The following ORC1 variants were observed in gnomAD, a reference collection of about 807,000 sequenced individuals.
ORC1 encodes origin recognition complex subunit 1.
Under a neutral mutation model 98.9 loss-of-function variants are expected in ORC1, and 61 were observed. That is an observed-to-expected ratio of 0.62 (90% CI 0.50 to 0.76). The LOEUF (loss-of-function observed/expected upper bound fraction) is 0.76, where lower values mean the gene tolerates loss of function less well. ORC1 is among the 30% of genes least tolerant of loss of function. The probability of loss-of-function intolerance (pLI) is 0.00; values close to 1 mark genes in which losing one functional copy is unlikely to be tolerated. For synonymous variants in ORC1, 385 were observed against 406.9 expected (o/e 0.95, Z 0.65); for missense variants, 979 against 1,072.2 (o/e 0.91, Z 1.21).
intron 13 of ORC1, among the ~76,000 whole-genome samples, chr1:52,382,767 A>T (rs1046109153): frequency 5.9e-5 from 9 of 151,760 alleles, no homozygotes; most frequent in African/African-American, 2.2e-4. Context: ...TTTAGTAGAG[A>T]TGGGGTTTCT....
chr1:52,383,307 C>T, intron 13 of ORC1, 113 bp downstream of exon 13: 15 of 1,317,534 alleles, frequency 1.1e-5, no homozygotes, highest in Admixed American at 1.7e-5. Flanking sequence ...CCTTGGCCTC[C>T]CAAAGTGCGG....
At chr1:52,403,404 A>C (rs989634161) in intron 1 of ORC1, among the ~76,000 whole-genome samples, 2 of 152,226 alleles carry the variant, frequency 1.3e-5, no homozygotes, top group Admixed American at 1.3e-4. Context: ...TTTGCATTCA[A>C]TTTCGGCAGA....
Position 52,404,242 on chromosome 1 carries a change from T to C in ORC1, c.-6+4A>G. The C allele has an allele frequency of 6.3e-6, 1 of 157,568 alleles. No individual in the cohort carries two copies. The highest frequency in any genetic ancestry group is 1.9e-4 in the East Asian group (1 of 5,252). 9.8% of individuals were successfully genotyped at this position (157,568 alleles called of 1,614,324 possible). A position where few individuals can be genotyped will look rare whatever the true frequency, so the allele number is the denominator to read the frequency against. ...CCTCGCAGCCCGCTGGACGCCACAC[T>C]CACCCGGCTCCAAAGCTTCCTCCGG... On this transcript the variant is annotated splice_donor_region_variant and intron_variant, in intron 1 of 16. Transcript: ENST00000371568.
chr1:52,385,343 A>G, intron 9 of ORC1, 81 bp from the exon 10 acceptor site: 2 of 942,958 alleles, frequency 2.1e-6, no homozygotes, highest in East Asian at 2.4e-5. Flanking sequence ...ATGGAAAATG[A>G]TTATGGTTTC....
chr1:52,397,355 C>T (rs1424879718), intron 4 of ORC1, among the ~76,000 whole-genome samples: 1 of 152,198 alleles, frequency 6.6e-6, no homozygotes, highest in Non-Finnish European at 1.5e-5. Context: ...GTGCAGTCCT[C>T]GTTTAAGCCA....
intron 5 of ORC1, among the ~76,000 whole-genome samples, chr1:52,394,960 T>C (rs1647328482): frequency 1.3e-5 from 2 of 152,220 alleles, no homozygotes. Flanking sequence ...AGCCCCTTAA[T>C]TTCTGAAGGT....
At chr1:52,373,739 T>C in intron 16 of ORC1, among the ~76,000 whole-genome samples, 1 of 152,174 alleles carries the variant, frequency 6.6e-6, no homozygotes, top group Admixed American at 6.5e-5. Flanking sequence ...TAGTCTTGTC[T>C]CCAGGGGCTG....
At chr1:52,400,347 C>T (rs550140543) in intron 3 of ORC1, among the ~76,000 whole-genome samples, 1 of 152,312 alleles carries the variant, frequency 6.6e-6, no homozygotes, top group African/African-American at 2.4e-5. Context: ...GGTGGGACAG[C>T]GTGAGATTTC....
At chr1:52,385,341 T>C (rs1233621008) in intron 9 of ORC1, 79 bp from the exon 10 acceptor site, 6 of 943,890 alleles carry the variant, frequency 6.4e-6, no homozygotes, top group African/African-American at 4.8e-5. Flanking sequence ...CAATGGAAAA[T>C]GATTATGGTT....
intron 9 of ORC1, 117 bp downstream of exon 9, chr1:52,385,735 T>C (rs557927228): frequency 1.9e-5 from 14 of 755,604 alleles, no homozygotes; most frequent in South Asian, 1.0e-4. Context: ...GGTAAAAGTA[T>C]AGACACACAG....
Position 52,374,794 on chromosome 1 carries a change from A to G in ORC1, c.2391+16T>C. The G allele has an allele frequency of 6.4e-7, 1 of 1,573,568 alleles. No individual in the cohort carries two copies. The highest frequency in any genetic ancestry group is 8.7e-7 in the Non-Finnish European group (1 of 1,143,052). On this transcript the variant is annotated intron_variant, in intron 16 of 16. Coordinates refer to ENST00000371568, the MANE Select transcript of ORC1 (RefSeq NM_004153.4). ...AGTCCAAAATCTAGAAGGATTTGAA[A>G]AGAGGAGGAGATCACCTGTTGAAAC...
At chr1:52,373,679 T>C in intron 16 of ORC1, among the ~76,000 whole-genome samples, 1 of 152,196 alleles carries the variant, frequency 6.6e-6, no homozygotes, top group Admixed American at 6.5e-5. Context: ...GTACATCCCT[T>C]GTGAGTTAAT....
chr1:52,389,439 A>C (rs1297284452), intron 6 of ORC1, 118 bp from the exon 7 acceptor site: 1 of 729,190 alleles, frequency 1.4e-6, no homozygotes, highest in Non-Finnish European at 2.4e-6. Flanking sequence ...TATACTTTGA[A>C]AAGAGTAAAA....
In ORC1 at chr1:52,384,621, G is replaced by C. The variant is rs1360534033; in HGVS notation, c.1684C>G (p.Pro562Ala). The change falls in exon 11 of 17, where the codon CCC becomes GCC. Residue 562 changes from proline (P) to alanine (A), a missense_variant. By Grantham distance (27) the Pro-to-Ala change is conservative. Coordinates refer to ENST00000371568, the MANE Select transcript of ORC1 (RefSeq NM_004153.4). The stretch of plus-strand genomic sequence containing the variant: ...CCATTGACCTCAATGTATTGAAAGG[G>C]AGGAACATCATTGGCTTGGGCTGCC... ...QQAAQANDVP[P>A]FQYIEVNGMK... 1 of 1,613,936 alleles carries C rather than the reference G, an allele frequency of 6.2e-7. No individual in the cohort carries two copies. The highest frequency in any genetic ancestry group is 2.2e-5 in the East Asian group (1 of 44,896).
chr1:52,402,249 T>G, intron 1 of ORC1, 21 bp from the exon 2 acceptor site: 1 of 1,535,858 alleles, frequency 6.5e-7, no homozygotes, highest in Non-Finnish European at 9.0e-7. Flanking sequence ...GTCCAAACTC[T>G]GAGTTACCAT....
rs770819037 is a variant in ORC1 at position 52,383,907 on chromosome 1, G to A, written c.1786C>T (p.His596Tyr). 2.5e-6 allele frequency: 4 copies of A among 1,614,212 alleles called. No homozygotes were observed. Among genetic ancestry groups the A allele is most frequent in the Non-Finnish European group, 2.5e-6 (3 of 1,180,040 alleles). ...TGCTTTGCCAGCAGTTCTGCCGCAT[G>A]GTTGGCTGTTGCTTTTTGGCCTGTT... is the stretch of plus-strand genomic sequence containing the variant. ...KLTGQKATANHAAELLAKQFC... is the reference protein window; with the variant it reads ...KLTGQKATANYAAELLAKQFC... The change falls in exon 12 of 17, where the codon CAT (histidine) becomes TAT (tyrosine). Residue 596 changes from histidine (H) to tyrosine (Y), a missense_variant. Coordinates refer to ENST00000371568, the MANE Select transcript of ORC1 (RefSeq NM_004153.4).
intron 8 of ORC1, among the ~76,000 whole-genome samples, chr1:52,387,148 G>A (rs537126043): frequency 2.7e-4 from 41 of 152,240 alleles, no homozygotes; most frequent in African/African-American, 9.9e-4. Context: ...GGCCTGTTAG[G>A]AACCAGGACA....
At chr1:52,383,314 G>A (rs1647096583) in intron 13 of ORC1, 106 bp downstream of exon 13, 2 of 1,363,530 alleles carry the variant, frequency 1.5e-6, no homozygotes, top group Middle Eastern at 2.5e-4. Flanking sequence ...CTCCCAAAGT[G>A]CGGGGTTTAC....
chr1:52,383,343 C>T (rs781270455), intron 13 of ORC1, 77 bp downstream of exon 13: 4 of 1,578,550 alleles, frequency 2.5e-6, no homozygotes, highest in Non-Finnish European at 3.5e-6. Context: ...GCCACCACAC[C>T]TGGACCATTT....
Sources: gnomAD v4.1 joint callset for allele counts (sites outside exome capture counted in the v4.1 genomes callset) on GRCh38, gnomAD v4.1.1 for gene constraint, MANE v1.5 for transcripts, NCBI Gene and HGNC (gene_info 2026-07-23, HGNC 2026-07-21) for gene names.